The following SSH2 variants were observed in gnomAD, a reference collection of about 807,000 sequenced individuals.
The protein encoded by SSH2 is protein phosphatase Slingshot homolog 2.
A neutral mutation model predicts 135.2 loss-of-function variants in SSH2; 37 were observed. The ratio of observed to expected loss-of-function variants is 0.27; its 90% CI spans 0.21 to 0.36. The LOEUF is 0.36. Among genes scored for constraint, SSH2 ranks in the 10% least tolerant of loss-of-function variants. The probability of loss-of-function intolerance (pLI) is 1.00; values close to 1 mark genes in which losing one functional copy is unlikely to be tolerated. For missense variants in SSH2, 1,408 were observed against 1,765.3 expected, an observed-to-expected ratio of 0.80 and a Z score of 3.63; for synonymous variants, 628 against 646.2, an observed-to-expected ratio of 0.97 and a Z score of 0.43.
At chr17:29,770,868 A>C (rs2041569073) in intron 3 of SSH2, among the ~76,000 whole-genome samples, 1 of 152,214 alleles carries the variant, frequency 6.6e-6, no homozygotes, top group Admixed American at 6.5e-5. Flanking sequence ...TTTCAGACCT[A>C]GTTTAATTCT....
At chr17:29,711,086 GGGCCACATGA>G (rs2151146314) in intron 3 of SSH2, among the ~76,000 whole-genome samples, 1 of 152,286 alleles carries the variant, frequency 6.6e-6, no homozygotes, top group East Asian at 1.9e-4. Flanking sequence ...AGCAGAGACT[GGGCCACATGA>G]GTAAACCAAT....
At chr17:29,820,458 G>C (rs1388677123) in intron 2 of SSH2, among the ~76,000 whole-genome samples, 1 of 152,156 alleles carries the variant, frequency 6.6e-6, no homozygotes. Flanking sequence ...AAAACAGATC[G>C]AGTCCTTGCT....
intron 2 of SSH2, among the ~76,000 whole-genome samples, chr17:29,820,735 C>A (rs1241670890): frequency 6.6e-6 from 1 of 152,094 alleles, no homozygotes; most frequent in Non-Finnish European, 1.5e-5. Flanking sequence ...AGAGTGCTGC[C>A]CTGGAGACCA....
At chr17:29,797,012 C>T (rs543364056) in intron 2 of SSH2, among the ~76,000 whole-genome samples, 2 of 151,776 alleles carry the variant, frequency 1.3e-5, no homozygotes, top group East Asian at 3.9e-4. Flanking sequence ...TTTGTAGATA[C>T]GGGGTCTCAC....
intron 4 of SSH2, among the ~76,000 whole-genome samples, chr17:29,702,381 G>A (rs1049485174): frequency 3.3e-5 from 5 of 150,998 alleles, no homozygotes; most frequent in African/African-American, 9.7e-5. Context: ...CTGGCCGGGC[G>A]TGGTGGCTGA....
At chr17:29,637,966 T>C (rs1004267606) in intron 14 of SSH2, among the ~76,000 whole-genome samples, 3 of 151,488 alleles carry the variant, frequency 2.0e-5, no homozygotes, top group South Asian at 2.1e-4. Context: ...ATACAAAAAT[T>C]AGCTGGGAGT....
intron 3 of SSH2, among the ~76,000 whole-genome samples, chr17:29,715,764 T>C (rs982293875): frequency 6.6e-6 from 1 of 152,206 alleles, no homozygotes; most frequent in African/African-American, 2.4e-5. Flanking sequence ...GAAAAGCAGC[T>C]GAACACTTAA....
intron 2 of SSH2, among the ~76,000 whole-genome samples, chr17:29,802,748 G>A (rs1387203354): frequency 6.6e-6 from 1 of 152,088 alleles, no homozygotes; most frequent in African/African-American, 2.4e-5. Flanking sequence ...GTGAGCAGCT[G>A]TGGATTTTTC....
At chr17:29,854,450 T>A (rs73263683) in intron 1 of SSH2, among the ~76,000 whole-genome samples, 2,244 of 151,846 alleles carry the variant, frequency 0.015, 99 homozygotes, top group African/African-American at 0.05. Flanking sequence ...GGGGTTAAGA[T>A]TGTTGGTAAG....
Position 29,666,847 on chromosome 17 carries a change from A to G in SSH2, c.1032+20T>C, listed in dbSNP as rs1201785466. 6 of 1,613,536 alleles carry G rather than the reference A, an allele frequency of 3.7e-6. No individual in the cohort carries two copies. Among genetic ancestry groups the G allele is most frequent in the African/African-American group, 1.3e-5 (1 of 74,924 alleles). ...ATGGGCTAGCGTTAGCACACCACTT[A>G]AAGTGGCTTTAAAACTTACCAGGAA... On this transcript the variant is annotated intron_variant, in intron 11 of 15. Transcript: ENST00000540801.
chr17:29,686,890 G>A (rs1414609831), intron 5 of SSH2, among the ~76,000 whole-genome samples: 2 of 152,098 alleles, frequency 1.3e-5, no homozygotes, highest in African/African-American at 4.8e-5. Flanking sequence ...TGGCCAGGCT[G>A]GTCTCGAACT....
Position 29,636,369 on chromosome 17 carries a change from C to G in SSH2, c.1861G>C (p.Val621Leu), listed in dbSNP as rs1437989616. Residue 621 changes from valine to leucine, a missense_variant, in exon 15 of 16, where the codon GTG (valine) becomes CTG (leucine). This residue lies in a region of SSH2 where 1,080 missense variants were observed against 1,144.5 expected (regional missense o/e 0.94). Transcript: ENST00000540801. Reference protein sequence around the residue: ...EMANKFPDLTVEDLETDALKA... With the variant: ...EMANKFPDLTLEDLETDALKA... ...AGTGCATCTGTCTCCAAATCTTCCA[C>G]TGTTAAGTCTGGAAACTTGTTGGCC... 1.2e-6 allele frequency: 2 copies of G among 1,614,074 alleles called. No individual in the cohort carries two copies. Among genetic ancestry groups the G allele is most frequent in the Non-Finnish European group, 1.7e-6 (2 of 1,180,038 alleles).
chr17:29,747,521 T>C (rs1567943335), intron 3 of SSH2, among the ~76,000 whole-genome samples: 1 of 152,190 alleles, frequency 6.6e-6, no homozygotes, highest in Admixed American at 6.5e-5. Context: ...TATTTATAAA[T>C]TACTGGCTAC....
At chr17:29,738,376 C>T (rs953678998) in intron 3 of SSH2, among the ~76,000 whole-genome samples, 33 of 152,132 alleles carry the variant, frequency 2.2e-4, no homozygotes, top group East Asian at 1.5e-3. Context: ...TGAATAGTGC[C>T]GCAATAAACA....
chr17:29,702,853 C>A, intron 4 of SSH2, 106 bp downstream of exon 4: 1 of 930,398 alleles, frequency 1.1e-6, no homozygotes. Context: ...TGCTTTCTTT[C>A]ACCATTAAAG....
At chr17:29,676,627 T>A in intron 8 of SSH2, 193 bp downstream of exon 8, 1 of 502,658 alleles carries the variant, frequency 2.0e-6, no homozygotes, top group Non-Finnish European at 3.6e-6. Context: ...ATTTCACTTG[T>A]TCACCAATAC....
intron 1 of SSH2, chr17:29,925,396 T>C (rs1392071479): frequency 7.6e-6 from 3 of 396,194 alleles, no homozygotes; most frequent in Non-Finnish European, 8.9e-6. Context: ...ATATGGTTTC[T>C]ACAGTCAATA....
chr17:29,865,807 AATGAGGGAGCAGGCTGGGC>A (rs1427820004), intron 1 of SSH2, among the ~76,000 whole-genome samples: 2 of 152,204 alleles, frequency 1.3e-5, no homozygotes, highest in African/African-American at 4.8e-5. Flanking sequence ...AAATATCAGA[AATGAGGGAGCAGGCTGGGC>A]ATGGAGGCTC....
chr17:29,654,241 A>C (rs1461052443), intron 12 of SSH2, among the ~76,000 whole-genome samples: 1 of 152,230 alleles, frequency 6.6e-6, no homozygotes, highest in Non-Finnish European at 1.5e-5. Flanking sequence ...ATAGTAAGCT[A>C]TAAGCAAGAC....
Sources: gnomAD v4.1 joint callset for allele counts (sites outside exome capture counted in the v4.1 genomes callset) on GRCh38, gnomAD v4.1.1 for gene constraint, gnomAD v4.1.1 regional missense constraint, MANE v1.5 for transcripts, NCBI Gene and HGNC (gene_info 2026-07-23, HGNC 2026-07-21) for gene names.